RBM39: variants seen among roughly 807,000 people sequenced by gnomAD.
RBM39 encodes RNA-binding protein 39.
A neutral mutation model predicts 79.6 loss-of-function variants in RBM39; 12 were observed. That is an observed-to-expected ratio of 0.15 (90% CI 0.10 to 0.24). RBM39 has a LOEUF of 0.24. Among genes scored for constraint, RBM39 ranks in the 10% least tolerant of loss-of-function variants. The pLI is 1.00. For missense variants in RBM39, 243 were observed against 653.4 expected (o/e 0.37, Z 6.85); for synonymous variants, 185 against 208.4 (o/e 0.89, Z 0.97).
intron 6 of RBM39, 70 bp downstream of exon 6, chr20:35,729,239 TATC>T: frequency 3.0e-5 from 40 of 1,312,662 alleles, no homozygotes; most frequent in Non-Finnish European, 4.1e-5. Context: ...AATTACTAAA[TATC>T]ATCAAATTTA....
Position 35,729,416 on chromosome 20 carries a change from G to A in RBM39, c.362+46C>T, listed in dbSNP as rs559536712. 17 of 1,607,830 alleles carry A rather than the reference G, an allele frequency of 1.1e-5. No homozygotes were observed. The African/African-American group carries it at 1.7e-4, about 16-fold the overall frequency. On this transcript the variant is annotated intron_variant, in intron 5 of 16. Transcript: ENST00000253363. ...TTATCCAAACAAGTACAGCATGTTA[G>A]TTCCTTGAAAAACAATTTAAACAAT...
In RBM39 at chr20:35,731,792, T is replaced by C. The variant is rs2039395651; in HGVS notation, c.296+149A>G. 5.0e-6 allele frequency: 4 copies of C among 796,644 alleles called. No individual in the cohort carries two copies. The South Asian group carries it at 6.9e-5, about 14-fold the overall frequency. The allele number at this position is 796,644 out of a possible 1,614,324, so 49.3% of individuals were successfully genotyped here. On this transcript the variant is annotated intron_variant, in intron 4 of 16. Coordinates refer to ENST00000253363, the MANE Select transcript of RBM39 (RefSeq NM_184234.3). Reference sequence around the variant, plus strand: ...TCTATGCACTGTATTTTCACTTTACTAGTATTCAATGCCAATATCCTTAAT... The same window carrying C: ...TCTATGCACTGTATTTTCACTTTACCAGTATTCAATGCCAATATCCTTAAT...
At chr20:35,707,051 A>AAAAT in intron 14 of RBM39, 69 bp downstream of exon 14, 2 of 653,390 alleles carry the variant, frequency 3.1e-6, no homozygotes, top group Non-Finnish European at 4.7e-6. Flanking sequence ...AAAAAAAAAA[A>AAAAT]GAGAAATATA....
chr20:35,738,573 AAAC>A (rs2040219682), intron 3 of RBM39, among the ~76,000 whole-genome samples: 1 of 152,266 alleles, frequency 6.6e-6, no homozygotes, highest in South Asian at 2.1e-4. Context: ...ACTTTAGGGC[AAAC>A]AATACTTTCC....
intron 1 of RBM39, among the ~76,000 whole-genome samples, chr20:35,741,235 T>C (rs752054282): frequency 6.6e-6 from 1 of 151,676 alleles, no homozygotes; most frequent in Non-Finnish European, 1.5e-5. Flanking sequence ...GGTTTCACCA[T>C]GTTGATGAGG....
At chr20:35,725,600 G>A (rs1007530092) in intron 6 of RBM39, among the ~76,000 whole-genome samples, 1 of 150,252 alleles carries the variant, frequency 6.7e-6, no homozygotes, top group African/African-American at 2.5e-5. Flanking sequence ...TCTCAAACAT[G>A]TTCAGTAAAC....
chr20:35,739,261 ACTTT>A (rs2040289931), intron 2 of RBM39: 3 of 522,354 alleles, frequency 5.7e-6, no homozygotes, highest in Non-Finnish European at 1.0e-5. Context: ...GTTAAATTTT[ACTTT>A]CTTATATAGT....
intron 9 of RBM39, among the ~76,000 whole-genome samples, chr20:35,720,453 C>A (rs981155928): frequency 6.6e-6 from 1 of 152,014 alleles, no homozygotes; most frequent in Non-Finnish European, 1.5e-5. Flanking sequence ...ATGTCAACCT[C>A]CACCTAAGAT....
chr20:35,737,162 C>G (rs553079230), intron 3 of RBM39, among the ~76,000 whole-genome samples: 22 of 151,742 alleles, frequency 1.4e-4, no homozygotes, highest in African/African-American at 5.3e-4. Context: ...GAGGCCAAGG[C>G]AGGTGGATCA....
intron 6 of RBM39, among the ~76,000 whole-genome samples, chr20:35,726,310 T>C (rs1343462912): frequency 6.6e-6 from 1 of 151,674 alleles, no homozygotes; most frequent in African/African-American, 2.4e-5. Context: ...TTTCTGTATT[T>C]TTAGTAGACA....
At chr20:35,718,027 T>C (rs558962987) in intron 9 of RBM39, among the ~76,000 whole-genome samples, 2 of 152,148 alleles carry the variant, frequency 1.3e-5, no homozygotes, top group African/African-American at 4.8e-5. Context: ...CCCAGCTAAA[T>C]TTTTTGTATT....
At chr20:35,730,155 G>C (rs1310350265) in intron 4 of RBM39, among the ~76,000 whole-genome samples, 1 of 152,130 alleles carries the variant, frequency 6.6e-6, no homozygotes, top group East Asian at 1.9e-4. Flanking sequence ...ATTCCATCGT[G>C]AACATGTGAA....
At position 35,742,035 on chromosome 20, in the gene RBM39, C is replaced by T; in HGVS notation, c.-108G>A. On this transcript the variant is annotated 5_prime_UTR_variant, in exon 1 of 17. Transcript: ENST00000253363. ...GCCGCCGCCGCCGCTTCTGTTGCTA[C>T]TGTTAAGCCCCTAGGCCCAGGCCGC... 8.4e-6 allele frequency: 2 copies of T among 238,322 alleles called. No homozygotes were observed. The highest frequency in any genetic ancestry group is 4.3e-5 in the South Asian group (1 of 23,096). 14.8% of individuals were successfully genotyped at this position (238,322 alleles called of 1,614,324 possible).
chr20:35,738,324 G>A (rs1197600705), intron 3 of RBM39, among the ~76,000 whole-genome samples: 2 of 151,866 alleles, frequency 1.3e-5, no homozygotes, highest in South Asian at 2.1e-4. Context: ...AAGACTTTTC[G>A]TACACTGTTT....
At chr20:35,713,316 TC>T (rs976973496) in intron 11 of RBM39, 16 of 412,226 alleles carry the variant, frequency 3.9e-5, no homozygotes, top group Admixed American at 2.9e-4. Flanking sequence ...TGTGAAACTC[TC>T]TTTTTTTTTT....
chr20:35,715,132 T>C (rs985975315), intron 10 of RBM39, among the ~76,000 whole-genome samples: 1 of 152,192 alleles, frequency 6.6e-6, no homozygotes, highest in Non-Finnish European at 1.5e-5. Flanking sequence ...GATAGAGATA[T>C]ACAGTGTACT....
chr20:35,722,207 A>G (rs111400584), intron 8 of RBM39, among the ~76,000 whole-genome samples: 7 of 152,116 alleles, frequency 4.6e-5, no homozygotes, highest in African/African-American at 1.4e-4. Context: ...AGAGATCAAG[A>G]CCATACTGGC....
At chr20:35,710,411 CTTT>C (rs973813725) in intron 12 of RBM39, 8 of 151,834 alleles carry the variant, frequency 5.3e-5, no homozygotes, top group Non-Finnish European at 1.0e-4. Flanking sequence ...CAGAATTTGT[CTTT>C]TTTTTCCTAA....
rs547286296 is a variant in RBM39, at chr20:35,725,876, C to T, written c.417-721G>A. 5.3e-5 allele frequency among the ~76,000 whole-genome samples: 8 copies of T among 152,168 alleles called. No individual in the cohort carries two copies. The East Asian group carries it at 1.5e-3, about 29-fold the overall frequency. On this transcript the variant is annotated intron_variant, in intron 6 of 16. Transcript: ENST00000253363. ...ATGTGGTTTCACCATGTTGGCCAGGCTGGTCTCCAACTTTTGATCTCAGGT... is the reference window on the plus strand; with the variant it reads ...ATGTGGTTTCACCATGTTGGCCAGGTTGGTCTCCAACTTTTGATCTCAGGT...
Sources: allele counts gnomAD v4.1 joint callset (sites outside exome capture counted in the v4.1 genomes callset), GRCh38; gene constraint gnomAD v4.1.1; transcripts MANE v1.5; gene names NCBI Gene and HGNC (gene_info 2026-07-23, HGNC 2026-07-21).